Variants in TRIM44 observed in about 807,000 individuals in gnomAD.
TRIM44 encodes tripartite motif containing 44.
Under a neutral mutation model 37.4 loss-of-function variants are expected in TRIM44, and 13 were observed. That is an observed-to-expected ratio of 0.35 (90% confidence interval 0.23 to 0.55). The LOEUF is 0.55. Among genes scored for constraint, TRIM44 ranks in the 20% least tolerant of loss-of-function variants. The probability of loss-of-function intolerance (pLI) is 0.89; values close to 1 mark genes in which losing one functional copy is unlikely to be tolerated. For synonymous variants in TRIM44, 175 were observed against 157.2 expected, an observed-to-expected ratio of 1.11 and a Z score of -0.85; for missense variants, 426 against 437.2, an observed-to-expected ratio of 0.97 and a Z score of 0.23.
intron 4 of TRIM44, among the ~76,000 whole-genome samples, chr11:35,791,969 T>C (rs934335515): frequency 4.3e-4 from 65 of 151,986 alleles, no homozygotes; most frequent in African/African-American, 1.5e-3. Context: ...TGAGTACTCA[T>C]TAGGCAGCAG....
intron 2 of TRIM44, among the ~76,000 whole-genome samples, chr11:35,713,246 A>C (rs1310493992): frequency 1.3e-5 from 2 of 152,186 alleles, no homozygotes; most frequent in Admixed American, 1.3e-4. Flanking sequence ...CAGGCAAAAT[A>C]GATTCTACCA....
chr11:35,756,865 C>T (rs550427805), intron 4 of TRIM44, among the ~76,000 whole-genome samples: 63 of 152,280 alleles, frequency 4.1e-4, no homozygotes, highest in African/African-American at 1.4e-3. Flanking sequence ...CCCACTTGAT[C>T]ATGGTGGATA....
chr11:35,778,289 C>T (rs554314657), intron 4 of TRIM44, among the ~76,000 whole-genome samples: 12 of 152,226 alleles, frequency 7.9e-5, no homozygotes, highest in Admixed American at 2.6e-4. Context: ...GTTTTCGTGC[C>T]GTGGTTTTCA....
chr11:35,703,887 G>T (rs1278549158), intron 2 of TRIM44, among the ~76,000 whole-genome samples: 1 of 152,212 alleles, frequency 6.6e-6, no homozygotes, highest in African/African-American at 2.4e-5. Flanking sequence ...CTCCTCACCA[G>T]CAACGGAACA....
intron 4 of TRIM44, among the ~76,000 whole-genome samples, chr11:35,748,536 A>G (rs1174292694): frequency 6.6e-6 from 1 of 152,266 alleles, no homozygotes; most frequent in Non-Finnish European, 1.5e-5. Flanking sequence ...TCATAGAGCT[A>G]GTAAGTTAAT....
At chr11:35,709,392 C>G (rs1851937971) in intron 2 of TRIM44, among the ~76,000 whole-genome samples, 1 of 152,062 alleles carries the variant, frequency 6.6e-6, no homozygotes, top group African/African-American at 2.4e-5. Context: ...TTTTTCCTAC[C>G]TAAGTGGGCA....
chr11:35,786,931 G>T (rs145534815), intron 4 of TRIM44, among the ~76,000 whole-genome samples: 17 of 152,020 alleles, frequency 1.1e-4, no homozygotes, highest in African/African-American at 4.1e-4. Context: ...GTAGGAGGTG[G>T]GCTGACGCTT....
At chr11:35,665,902 G>A (rs566115895) in intron 1 of TRIM44, among the ~76,000 whole-genome samples, 67 of 150,896 alleles carry the variant, frequency 4.4e-4, no homozygotes, top group African/African-American at 1.5e-3. Context: ...ATTTGTTTCT[G>A]ATTTTTTTTG....
chr11:35,746,056 A>G (rs912479415), intron 4 of TRIM44, among the ~76,000 whole-genome samples: 3 of 152,254 alleles, frequency 2.0e-5, no homozygotes, highest in African/African-American at 4.8e-5. Flanking sequence ...TTAAGGATTT[A>G]GAGGTTTTCC....
At chr11:35,779,914 A>G (rs951403052) in intron 4 of TRIM44, among the ~76,000 whole-genome samples, 23 of 141,602 alleles carry the variant, frequency 1.6e-4, no homozygotes, top group Non-Finnish European at 2.4e-4. Context: ...TCAGATGGCT[A>G]TAGGTGTGCA....
intron 2 of TRIM44, among the ~76,000 whole-genome samples, chr11:35,714,442 A>G (rs535728371): frequency 8.0e-4 from 121 of 152,108 alleles, no homozygotes; most frequent in Non-Finnish European, 1.5e-3. Flanking sequence ...CCCTTTCTCT[A>G]CTCTATCAAA....
intron 1 of TRIM44, among the ~76,000 whole-genome samples, chr11:35,683,172 C>T (rs142433261): frequency 6.6e-6 from 1 of 152,176 alleles, no homozygotes; most frequent in Non-Finnish European, 1.5e-5. Context: ...GGTATATGAC[C>T]TCTAAGTTCC....
At chr11:35,684,866 A>G (rs576497584) in intron 1 of TRIM44, among the ~76,000 whole-genome samples, 2 of 152,230 alleles carry the variant, frequency 1.3e-5, no homozygotes, top group Non-Finnish European at 2.9e-5. Context: ...TTTTATAAGT[A>G]TATTTAATAT....
intron 4 of TRIM44, among the ~76,000 whole-genome samples, chr11:35,805,232 C>T (rs1389131648): frequency 1.3e-5 from 2 of 152,160 alleles, no homozygotes; most frequent in South Asian, 2.1e-4. Flanking sequence ...GTGAGTAACA[C>T]GTAATTCAGT....
chr11:35,793,585 G>A (rs946058710), intron 4 of TRIM44, among the ~76,000 whole-genome samples: 3 of 152,076 alleles, frequency 2.0e-5, no homozygotes, highest in Admixed American at 6.6e-5. Context: ...GAAAGTTTTC[G>A]AGTAATTGGT....
chr11:35,686,559 T>C (rs1851584735), intron 2 of TRIM44, among the ~76,000 whole-genome samples: 1 of 152,104 alleles, frequency 6.6e-6, no homozygotes, highest in African/African-American at 2.4e-5. Context: ...TGTTTGTTTT[T>C]GTTTTTTGTT....
rs1437595815 is a variant in TRIM44 at position 35,816,450 on chromosome 11, T to G, written c.*10065T>G. 6.6e-6 allele frequency: 1 copy of G among 152,206 alleles called. No homozygotes were observed. The highest frequency in any genetic ancestry group is 1.5e-5 in the Non-Finnish European group (1 of 68,046). 9.4% of individuals were successfully genotyped at this position (152,206 alleles called of 1,614,324 possible). On this transcript the variant is annotated 3_prime_UTR_variant, in exon 5 of 5. Transcript: ENST00000299413. The stretch of plus-strand genomic sequence containing the variant: ...AAAAACACTTTTCTGCCTTCTACAG[T>G]ATAAACACAACTGGCATCAGATAAT...
chr11:35,704,721 T>G (rs925400638), intron 2 of TRIM44, among the ~76,000 whole-genome samples: 1 of 152,210 alleles, frequency 6.6e-6, no homozygotes, highest in Non-Finnish European at 1.5e-5. Context: ...TGAGAGATTT[T>G]GTCACCACCA....
At chr11:35,742,386 C>CTA (rs917482642) in intron 4 of TRIM44, among the ~76,000 whole-genome samples, 21 of 139,968 alleles carry the variant, frequency 1.5e-4, no homozygotes, top group Admixed American at 9.1e-4. Context: ...TATATATGGT[C>CTA]TATATATATA....
Sources: gnomAD v4.1 joint callset for allele counts (sites outside exome capture counted in the v4.1 genomes callset) on GRCh38, gnomAD v4.1.1 for gene constraint, MANE v1.5 for transcripts, NCBI Gene and HGNC (gene_info 2026-07-23, HGNC 2026-07-21) for gene names.